CTDSP1: variants seen among roughly 807,000 people sequenced by gnomAD.
CTDSP1 encodes CTD small phosphatase 1.
CTDSP1 carries 15 observed loss-of-function variants against 32.5 expected under a neutral mutation model. The ratio of observed to expected loss-of-function variants is 0.46; its 90% CI spans 0.31 to 0.71. The LOEUF (loss-of-function observed/expected upper bound fraction) is 0.71, where lower values mean the gene tolerates loss of function less well. CTDSP1 is among the 30% of genes least tolerant of loss of function. The probability of loss-of-function intolerance (pLI) is 0.05; values close to 1 mark genes in which losing one functional copy is unlikely to be tolerated. For missense variants in CTDSP1, 294 were observed against 351.1 expected, an observed-to-expected ratio of 0.84 and a Z score of 1.30; for synonymous variants, 185 against 145.4, an observed-to-expected ratio of 1.27 and a Z score of -1.96.
intron 6 of CTDSP1, among the ~76,000 whole-genome samples, chr2:218,403,966 A>G (rs1697286409): frequency 6.6e-6 from 1 of 152,148 alleles, no homozygotes; most frequent in Non-Finnish European, 1.5e-5. Flanking sequence ...AGGCTGAGGT[A>G]GGAGTATCAC....
chr2:218,397,266 T>C (rs1341016779), upstream of CTDSP1, among the ~76,000 whole-genome samples: 1 of 152,214 alleles, frequency 6.6e-6, no homozygotes, highest in Admixed American at 6.5e-5. Context: ...ATTTGGACAC[T>C]GGAAGGCGTC....
chr2:218,399,933 C>G lies in CTDSP1; in HGVS notation c.-158C>G. On this transcript the variant is annotated 5_prime_UTR_variant, in exon 1 of 7. Transcript: ENST00000273062. Reference sequence around the variant, plus strand: ...GTTTCCTCCGCGCCCCCTCCCTCCCCCTCCCCCCTAGAACCTGGCTCCCCT... The same window carrying G: ...GTTTCCTCCGCGCCCCCTCCCTCCCGCTCCCCCCTAGAACCTGGCTCCCCT... The G allele has an allele frequency of 8.8e-7, 1 of 1,133,308 alleles. No homozygotes were observed. The highest frequency in any genetic ancestry group is 1.1e-6 in the Non-Finnish European group (1 of 919,078). The allele number at this position is 1,133,308 out of a possible 1,614,324, so 70.2% of individuals were successfully genotyped here.
At position 218,403,894 on chromosome 2, in the gene CTDSP1, TACAAAAAATACAAAAACTA is replaced by T. The variant is rs1697282450; in HGVS notation, c.658-402_658-384del. Among the ~76,000 whole-genome samples, 3 of 152,272 alleles carry T rather than the reference TACAAAAAATACAAAAACTA, an allele frequency of 2.0e-5. No individual in the cohort carries two copies. In the South Asian group the frequency reaches 6.2e-4, roughly 32 times the overall value. On this transcript the variant is annotated intron_variant, in intron 6 of 6. Transcript: ENST00000273062. ...CGGCAACATAGTGAAACCTTATGTC[TACAAAAAATACAAAAACTA>T]GCCAGGCGTGGTGGCGCATGCCTGG...
rs754578666 is a variant in CTDSP1, at chr2:218,402,378, T to C, written c.351T>C (p.Pro117=). 4 of 1,612,142 alleles carry C rather than the reference T, an allele frequency of 2.5e-6. No homozygotes were observed. Among genetic ancestry groups the C allele is most frequent in the Non-Finnish European group, 3.4e-6 (4 of 1,178,982 alleles). Residue 117 remains proline (P), a synonymous_variant, in exon 4 of 7, where the codon CCT becomes CCC. Transcript: ENST00000273062. ...TGAACAACGCGGACTTCATCATCCC[T>C]GTGGAGATTGATGGGGTGGTCCACC... ...KPVNNADFII[P]VEIDGVVHQV... is the part of the protein sequence containing the mutation.
upstream of CTDSP1, chr2:218,398,621 A>G: frequency 2.0e-6 from 1 of 503,382 alleles, no homozygotes; most frequent in Non-Finnish European, 3.3e-6. Context: ...CCCCCTCGGC[A>G]GGGCCTGGCG....
upstream of CTDSP1, chr2:218,399,820 T>C (rs1211146085): frequency 8.5e-7 from 1 of 1,172,828 alleles, no homozygotes; most frequent in Non-Finnish European, 1.1e-6. Context: ...GCCGAAGCCG[T>C]TGCCCTTTTA....
chr2:218,401,337 G>A lies in CTDSP1; in HGVS notation c.68-227G>A, dbSNP rs547203462. The A allele has an allele frequency of 3.6e-5, 21 of 581,276 alleles. No homozygotes were observed. In the East Asian group the frequency reaches 5.5e-4, roughly 15 times the overall value. The allele number at this position is 581,276 out of a possible 1,614,324, so 36.0% of individuals were successfully genotyped here. A position where few individuals can be genotyped will look rare whatever the true frequency, so the allele number is the denominator to read the frequency against. ...CAGGCCACGCACTCCCTATGTGGGC[G>A]CCTTAATACCTGCTAGACCTATTTG... is the stretch of plus-strand genomic sequence containing the variant. On this transcript the variant is annotated intron_variant, in intron 1 of 6. Transcript: ENST00000273062.
chr2:218,400,376 C>T (rs1387944273), intron 1 of CTDSP1: 3 of 658,744 alleles, frequency 4.6e-6, no homozygotes, highest in Non-Finnish European at 5.5e-6. Flanking sequence ...CCTGTTCGCT[C>T]GAGGTGAGGA....
upstream of CTDSP1, chr2:218,399,721 G>A (rs1697002268): frequency 2.0e-6 from 2 of 997,890 alleles, no homozygotes; most frequent in Non-Finnish European, 2.4e-6. Context: ...CCCCTGGAGC[G>A]CGGCAGGAAC....
chr2:218,402,015 G>C, intron 2 of CTDSP1, 96 bp from the exon 3 acceptor site: 2 of 870,134 alleles, frequency 2.3e-6, no homozygotes. Flanking sequence ...CCTGGGGCCT[G>C]GGGTTCCTCT....
rs1346157557 is a variant in CTDSP1 at position 218,401,692 on chromosome 2, G to C, written c.196G>C (p.Glu66Gln). 6.3e-7 allele frequency: 1 copy of C among 1,595,802 alleles called. No individual in the cohort carries two copies. The highest frequency in any genetic ancestry group is 8.5e-7 in the Non-Finnish European group (1 of 1,170,966). Residue 66 changes from glutamate to glutamine, a missense_variant, in exon 2 of 7, where the codon GAG becomes CAG. Transcript: ENST00000273062. ...AHSGAPLLVE[E>Q]NGAIPKQTPV... ...CAGCGGGGCGCCCCTGCTTGTGGAG[G>C]AGAATGGCGCCATCCCTAAGGTGCG...
At chr2:218,402,302 G>C in intron 3 of CTDSP1, 47 bp from the exon 4 acceptor site, 1 of 1,613,460 alleles carries the variant, frequency 6.2e-7, no homozygotes, top group Non-Finnish European at 8.5e-7. Flanking sequence ...TGGACCCCAT[G>C]CCCTGGGGCT....
upstream of CTDSP1, chr2:218,398,322 C>T (rs911691570): frequency 2.0e-5 from 23 of 1,172,398 alleles, no homozygotes; most frequent in African/African-American, 1.5e-4. Context: ...AGAAGGAGGC[C>T]GTTCTAAGGG....
Position 218,400,132 on chromosome 2 carries a change from G to T in CTDSP1, c.42G>T (p.Glu14Asp), listed in dbSNP as rs866328917. The stretch of plus-strand genomic sequence containing the variant: ...TCATTACTCAGATCAGCAAGGAGGA[G>T]GCTCGGGGCCCGCTGCGGGGCAAAG... Reference protein sequence around the residue: ...SAVITQISKEEARGPLRGKGD... With the variant: ...SAVITQISKEDARGPLRGKGD... The change falls in exon 1 of 7, where the codon GAG becomes GAT. Residue 14 changes from glutamate (E) to aspartate (D), a missense_variant. By Grantham distance (45) the Glu-to-Asp change is conservative (BLOSUM62 2). This residue lies in a region of CTDSP1 where 148 missense variants were observed against 113.3 expected (regional missense o/e 1.31). Transcript: ENST00000273062. The T allele has an allele frequency of 6.5e-7, 1 of 1,545,800 alleles. No individual in the cohort carries two copies.
In CTDSP1 at chr2:218,401,681, T is replaced by C; in HGVS notation, c.185T>C (p.Leu62Pro). The C allele has an allele frequency of 5.0e-6, 8 of 1,600,962 alleles. No individual in the cohort carries two copies. Among genetic ancestry groups the C allele is most frequent in the Non-Finnish European group, 8.5e-7 (1 of 1,173,646 alleles). Reference protein sequence around the residue: ...EALPAHSGAPLLVEENGAIPK... With the variant: ...EALPAHSGAPPLVEENGAIPK... ...CTGCCTGCTCACAGCGGGGCGCCCC[T>C]GCTTGTGGAGGAGAATGGCGCCATC... The change falls in exon 2 of 7, where the codon CTG becomes CCG. Residue 62 changes from leucine (L) to proline (P), a missense_variant. Transcript: ENST00000273062.
chr2:218,400,587 G>A (rs1328292792), intron 1 of CTDSP1: 5 of 383,160 alleles, frequency 1.3e-5, no homozygotes, highest in African/African-American at 8.4e-5. Flanking sequence ...GGTCTTGGGA[G>A]GGGGCGCCGA....
At chr2:218,398,366 C>G (rs1165036543), upstream of CTDSP1, 2 of 1,516,500 alleles carry the variant, frequency 1.3e-6, no homozygotes, top group Admixed American at 3.9e-5. Context: ...CCAGAGCAGG[C>G]CTAGGAAAAC....
chr2:218,404,616 TC>T lies in CTDSP1; in HGVS notation c.*193del. 1 of 627,442 alleles carries T rather than the reference TC, an allele frequency of 1.6e-6. No individual in the cohort carries two copies. The highest frequency in any genetic ancestry group is 2.7e-6 in the Non-Finnish European group (1 of 375,618). The allele number at this position is 627,442 out of a possible 1,614,324, so 38.9% of individuals were successfully genotyped here. ...GCAGGCTGCACTGAGGACCGTGAGC[TC>T]CAGGCCCCGTGTCAGTGCCTTCAAA... On this transcript the variant is annotated 3_prime_UTR_variant, in exon 7 of 7. Transcript: ENST00000273062.
At chr2:218,402,319 C>G in intron 3 of CTDSP1, 30 bp from the exon 4 acceptor site, 1 of 1,613,964 alleles carries the variant, frequency 6.2e-7, no homozygotes, top group Non-Finnish European at 8.5e-7. Flanking sequence ...GGCTCCTCCT[C>G]CAACTCCAGC....
Sources: allele counts gnomAD v4.1 joint callset (sites outside exome capture counted in the v4.1 genomes callset), GRCh38; gene constraint gnomAD v4.1.1; regional missense constraint gnomAD v4.1.1; transcripts MANE v1.5; gene names NCBI Gene and HGNC (gene_info 2026-07-23, HGNC 2026-07-21).